Variants in DNASE1 observed in about 807,000 individuals in gnomAD.
DNASE1 encodes the protein deoxyribonuclease-1.
A neutral mutation model predicts 33.9 loss-of-function variants in DNASE1; 40 were observed. The observed-to-expected ratio is 1.18, with a 90% confidence interval of 0.92 to 1.54. The LOEUF is 1.54. Ranked by LOEUF, DNASE1 falls within the 40% of genes most tolerant of loss-of-function variation. DNASE1 has a pLI of 0.00. For missense variants in DNASE1, 518 were observed against 372.6 expected (o/e 1.39, Z -3.21); for synonymous variants, 216 against 160.0 (o/e 1.35, Z -2.64).
In DNASE1 at chr16:3,632,324, C is replaced by G. The variant is rs79493414; in HGVS notation, c.-1358-8391C>G. Among the ~76,000 whole-genome samples, 250 of 152,316 alleles carry G rather than the reference C, an allele frequency of 1.6e-3. 2 individuals are homozygous for G. Among genetic ancestry groups the G allele is most frequent in the Non-Finnish European group, 2.6e-3 (175 of 68,030 alleles). ...GATAGATTGATGTTGAAGTTTCCAA[C>G]TATAATAGTGAATTCATCTGCTTTT... On this transcript the variant is annotated intron_variant and NMD_transcript_variant, in intron 1 of 11. Coordinates refer to the DNASE1 transcript ENST00000570769.
chr16:3,656,524 G>C (rs1292747250), intron 4 of DNASE1, 114 bp from the exon 5 acceptor site: 1 of 741,540 alleles, frequency 1.3e-6, no homozygotes, highest in African/African-American at 1.7e-5. Context: ...GGTTGAGCAG[G>C]TGCCTGGCTC....
chr16:3,653,805 T>TCAAAAAAAAAAAAAAAACAAA (rs2042423162), upstream of DNASE1: 1 of 35,450 alleles, frequency 2.8e-5, no homozygotes, highest in African/African-American at 1.9e-4. Flanking sequence ...AGATTCCGCC[T>TCAAAAAAAAAAAAAAAACAAA]CAAAAAAAAA....
intron 1 of DNASE1, among the ~76,000 whole-genome samples, chr16:3,633,043 C>T (rs1320517562): frequency 1.3e-5 from 2 of 152,130 alleles, no homozygotes; most frequent in African/African-American, 4.8e-5. Flanking sequence ...TTTGACCCAA[C>T]ACATGCTTGG....
intron 1 of DNASE1, among the ~76,000 whole-genome samples, chr16:3,617,589 A>T (rs2041155140): frequency 6.6e-6 from 1 of 152,074 alleles, no homozygotes; most frequent in African/African-American, 2.4e-5. Context: ...GTCTCCCCCC[A>T]CCCAATTCAT....
At chr16:3,632,679 G>A (rs1191629129) in intron 1 of DNASE1, among the ~76,000 whole-genome samples, 3 of 151,614 alleles carry the variant, frequency 2.0e-5, no homozygotes, top group African/African-American at 7.3e-5. Context: ...TCCAACTCCT[G>A]GGTTCAAGCA....
At position 3,636,764 on chromosome 16, in the gene DNASE1, G is replaced by C. The variant is rs149479213; in HGVS notation, c.-1358-3951G>C. On this transcript the variant is annotated intron_variant and NMD_transcript_variant, in intron 1 of 11. Transcript: ENST00000570769. The stretch of plus-strand genomic sequence containing the variant: ...GAACCCGGGAGGTGCAGGTTGCAGT[G>C]AGCCAAGATCATGCCACAGTACTCC... Among the ~76,000 whole-genome samples, 533 of 149,876 alleles carry C rather than the reference G, an allele frequency of 3.6e-3. 3 individuals carry two copies. The highest frequency in any genetic ancestry group is 0.012 in the African/African-American group (506 of 40,604).
rs773757254 is a variant in DNASE1, at chr16:3,657,130, C to T, written c.549+19C>T. On this transcript the variant is annotated intron_variant, in intron 6 of 8. Transcript: ENST00000246949. Reference sequence around the variant, plus strand: ...CTTGGAGGTGAGGCCCTCCCAGGGGCAGTGGGCACCAGCGGCCTCCGCATG... The same window carrying T: ...CTTGGAGGTGAGGCCCTCCCAGGGGTAGTGGGCACCAGCGGCCTCCGCATG... The T allele has an allele frequency of 2.5e-6, 4 of 1,613,976 alleles. No homozygotes were observed. The highest frequency in any genetic ancestry group is 1.7e-5 in the Admixed American group (1 of 60,002).
intron 1 of DNASE1, among the ~76,000 whole-genome samples, chr16:3,622,815 C>T (rs907939381): frequency 5.3e-5 from 8 of 152,132 alleles, no homozygotes; most frequent in African/African-American, 1.9e-4. Context: ...AGTAAAATAA[C>T]TTTTCTTGTA....
At chr16:3,621,583 C>A (rs1341661998) in intron 1 of DNASE1, among the ~76,000 whole-genome samples, 1 of 152,230 alleles carries the variant, frequency 6.6e-6, no homozygotes, top group African/African-American at 2.4e-5. Context: ...TGTAAATAAA[C>A]GGTAGCACAT....
At chr16:3,636,655 A>C (rs1159843076) in intron 1 of DNASE1, among the ~76,000 whole-genome samples, 1 of 151,232 alleles carries the variant, frequency 6.6e-6, no homozygotes, top group African/African-American at 2.4e-5. Flanking sequence ...CCCCGTCTCT[A>C]CTAAAAATAG....
intron 1 of DNASE1, chr16:3,612,008 T>G (rs2040894046): frequency 6.6e-6 from 1 of 151,330 alleles, no homozygotes; most frequent in Non-Finnish European, 1.5e-5. Context: ...TCCTCTCAGG[T>G]GGGGTGGCGT....
At chr16:3,640,166 G>A (rs1247972274), upstream of DNASE1, among the ~76,000 whole-genome samples, 3 of 152,192 alleles carry the variant, frequency 2.0e-5, no homozygotes, top group Non-Finnish European at 2.9e-5. Context: ...TTCCCTGTGT[G>A]AACTCTGGGG....
downstream of DNASE1, chr16:3,662,958 C>T: frequency 1.2e-6 from 2 of 1,610,264 alleles, no homozygotes; most frequent in Non-Finnish European, 1.7e-6. Context: ...CTCTGATAGG[C>T]ACTCGGCGGC....
At chr16:3,661,617 G>A (rs2043079370), downstream of DNASE1, 3 of 212,570 alleles carry the variant, frequency 1.4e-5, no homozygotes, top group African/African-American at 4.6e-5. Context: ...CCCTCTGCAT[G>A]GGCAACCCTC....
chr16:3,639,785 G>A (rs371527250), upstream of DNASE1, among the ~76,000 whole-genome samples: 143 of 152,294 alleles, frequency 9.4e-4, 1 homozygote, highest in African/African-American at 3.0e-3. Flanking sequence ...GGCCAGGCCC[G>A]GTGTGGTGGC....
chr16:3,646,199 C>T (rs2092686078), intron 1 of DNASE1, among the ~76,000 whole-genome samples: 1 of 152,092 alleles, frequency 6.6e-6, no homozygotes, highest in South Asian at 2.1e-4. Flanking sequence ...GTGCTGGGTT[C>T]TCAAGGTTTT....
chr16:3,655,055 G>C lies in DNASE1; in HGVS notation c.-2+11G>C, dbSNP rs2042504972. On this transcript the variant is annotated intron_variant, in intron 1 of 8. Transcript: ENST00000246949. ...TCACCATCATCTCAGGTGAGCACCA[G>C]GTGGAGTGCCTCTGGGTGACTGGCC... 5 of 579,836 alleles carry C rather than the reference G, an allele frequency of 8.6e-6. No individual in the cohort carries two copies. The highest frequency in any genetic ancestry group is 4.4e-5 in the South Asian group (2 of 45,382). The allele number at this position is 579,836 out of a possible 1,614,324, so 35.9% of individuals were successfully genotyped here.
upstream of DNASE1, among the ~76,000 whole-genome samples, chr16:3,638,942 C>G (rs1216124353): frequency 6.6e-6 from 1 of 152,110 alleles, no homozygotes; most frequent in Non-Finnish European, 1.5e-5. Flanking sequence ...TCTGGAAGTT[C>G]CATTTGGATC....
chr16:3,612,796 A>G (rs1198645710), intron 1 of DNASE1, among the ~76,000 whole-genome samples: 1 of 152,118 alleles, frequency 6.6e-6, no homozygotes, highest in African/African-American at 2.4e-5. Flanking sequence ...TCTAGATGAA[A>G]AGTGAGAGCG....
Sources: allele counts gnomAD v4.1 joint callset (sites outside exome capture counted in the v4.1 genomes callset), GRCh38; gene constraint gnomAD v4.1.1; transcripts MANE v1.5; gene names NCBI Gene and HGNC (gene_info 2026-07-23, HGNC 2026-07-21).